The following MCAM variants were observed in gnomAD, a reference collection of about 807,000 sequenced individuals.
The protein encoded by MCAM is cell surface glycoprotein MUC18.
Under a neutral mutation model 79.1 loss-of-function variants are expected in MCAM, and 55 were observed. The ratio of observed to expected loss-of-function variants is 0.70; its 90% CI spans 0.56 to 0.87. MCAM has a LOEUF of 0.87. Among genes scored for constraint, MCAM ranks in the 40% least tolerant of loss-of-function variants. The pLI, the probability that MCAM is intolerant of heterozygous loss-of-function variation, is 0.00. For synonymous variants in MCAM, 330 were observed against 339.8 expected (o/e 0.97, Z 0.32); for missense variants, 745 against 839.8 (o/e 0.89, Z 1.40).
Position 119,310,468 on chromosome 11 carries a change from T to TG in MCAM, c.1794-3dup. On this transcript the variant is annotated splice_polypyrimidine_tract_variant and splice_region_variant and intron_variant, in intron 14 of 15. Coordinates refer to ENST00000264036, the MANE Select transcript of MCAM (RefSeq NM_006500.3). ...CTCTTACGAGACGGGGGTAGCGTGC[T>TG]GGGAGGAGGGAGGGAGGTGAGAGGT... is the stretch of plus-strand genomic sequence containing the variant. The TG allele has an allele frequency of 6.3e-7, 1 of 1,585,124 alleles. No homozygotes were observed. The highest frequency in any genetic ancestry group is 1.1e-5 in the South Asian group (1 of 90,426).
In MCAM at chr11:119,311,122, C is replaced by A; in HGVS notation, c.1613G>T (p.Ser538Ile). Residue 538 changes from serine (S) to isoleucine (I), a missense_variant, in exon 13 of 16, where the codon AGT (serine) becomes ATT (isoleucine). Ser to Ile is a moderately radical substitution (Grantham distance 142). Coordinates refer to ENST00000264036, the MANE Select transcript of MCAM (RefSeq NM_006500.3). The surrounding 1 kb of genome is among the most constrained non-coding windows in gnomAD (Gnocchi z 4.4). ...TTTGLSTSTA[S>I]PHTRANSTST... ...GGTGCTGTTGGCTCTGGTATGAGGA[C>A]TGGCAGTGGAAGTGCTGAGGCCAGT... 6.2e-7 allele frequency: 1 copy of A among 1,614,236 alleles called. No individual in the cohort carries two copies. The highest frequency in any genetic ancestry group is 8.5e-7 in the Non-Finnish European group (1 of 1,180,046).
At position 119,316,661 on chromosome 11, in the gene MCAM, G is replaced by T. The variant is rs1950314078; in HGVS notation, c.67+374C>A. On this transcript the variant is annotated intron_variant, in intron 1 of 15. Transcript: ENST00000264036. The surrounding 1 kb of genome is among the most constrained non-coding windows in gnomAD (Gnocchi z 4.8). ...CCTTTTCCAGCAACAGGCGGGCGCGGAATTCAGGCTTTGAGGATGCGCCCC... is the reference window on the plus strand; with the variant it reads ...CCTTTTCCAGCAACAGGCGGGCGCGTAATTCAGGCTTTGAGGATGCGCCCC... 5.0e-6 allele frequency: 1 copy of T among 198,752 alleles called. No homozygotes were observed. The highest frequency in any genetic ancestry group is 1.1e-4 in the East Asian group (1 of 8,758). 12.3% of individuals were successfully genotyped at this position (198,752 alleles called of 1,614,324 possible). A position where few individuals can be genotyped will look rare whatever the true frequency, so the allele number is the denominator to read the frequency against.
In MCAM at chr11:119,310,164, T is replaced by C. The variant is rs546672081; in HGVS notation, c.1911+185A>G. 918 of 631,530 alleles carry C rather than the reference T, an allele frequency of 1.5e-3. 1 individual carries two copies. The highest frequency in any genetic ancestry group is 4.7e-3 in the Middle Eastern group (11 of 2,334). The allele number at this position is 631,530 out of a possible 1,614,324, so 39.1% of individuals were successfully genotyped here. A position where few individuals can be genotyped will look rare whatever the true frequency, so the allele number is the denominator to read the frequency against. On this transcript the variant is annotated intron_variant, in intron 15 of 15. Transcript: ENST00000264036. ...GGTGATGGGACAGGGTCTTTCTCAG[T>C]CTTCCTCCAAGCTCCCTCAGCCACT...
intron 4 of MCAM, 43 bp downstream of exon 4, chr11:119,314,636 C>A (rs1019070743): frequency 6.2e-7 from 1 of 1,611,252 alleles, no homozygotes; most frequent in African/African-American, 1.3e-5. Context: ...CCCATCTCAG[C>A]GGCTGCGCAC....
intron 5 of MCAM, 106 bp downstream of exon 5, chr11:119,314,383 T>C: frequency 2.9e-6 from 3 of 1,018,566 alleles, no homozygotes; most frequent in Non-Finnish European, 4.6e-6. Flanking sequence ...CCTGAACTCC[T>C]CACCTCCAGA....
Position 119,312,016 on chromosome 11 carries a change from C to G in MCAM, c.1143+36G>C, listed in dbSNP as rs369718704. 6 of 1,605,370 alleles carry G rather than the reference C, an allele frequency of 3.7e-6. No homozygotes were observed. In the African/African-American group the frequency reaches 8.0e-5, roughly 21 times the overall value. On this transcript the variant is annotated intron_variant, in intron 9 of 15. Coordinates refer to ENST00000264036, the MANE Select transcript of MCAM (RefSeq NM_006500.3). The surrounding 1 kb of genome is among the most constrained non-coding windows in gnomAD (Gnocchi z 4.9). ...TTCTTGTCACCGCCAGCCCCACCCA[C>G]CCCATCAGCCCCTTGCCCCAGACCC...
intron 15 of MCAM, 67 bp downstream of exon 15, chr11:119,310,282 C>T (rs540799663): frequency 3.6e-5 from 37 of 1,034,150 alleles, no homozygotes; most frequent in African/African-American, 4.7e-5. Flanking sequence ...TAGAGAGAAC[C>T]GTTAGTCCCT....
At position 119,308,790 on chromosome 11, in the gene MCAM, A is replaced by G. The variant is rs1950179106; in HGVS notation, c.*1096T>C. 6.6e-6 allele frequency: 1 copy of G among 152,102 alleles called. No individual in the cohort carries two copies. Among genetic ancestry groups the G allele is most frequent in the African/African-American group, 2.4e-5 (1 of 41,408 alleles). 9.4% of individuals were successfully genotyped at this position (152,102 alleles called of 1,614,324 possible). A position where few individuals can be genotyped will look rare whatever the true frequency, so the allele number is the denominator to read the frequency against. On this transcript the variant is annotated 3_prime_UTR_variant, in exon 16 of 16. Coordinates refer to ENST00000264036, the MANE Select transcript of MCAM (RefSeq NM_006500.3). The stretch of plus-strand genomic sequence containing the variant: ...TGGTTTGTAGAAGTTTGGTGCTAAT[A>G]TAACCATAGCTTTAATCCCCATGAA...
intron 15 of MCAM, 126 bp from the exon 16 acceptor site, chr11:119,310,041 C>T: frequency 1.2e-6 from 1 of 819,264 alleles, no homozygotes; most frequent in Non-Finnish European, 2.0e-6. Context: ...GGGGAGGAAG[C>T]TAGGATGGGC....
At chr11:119,310,605 GTGGCTGA>G in intron 14 of MCAM, 139 bp from the exon 15 acceptor site, 1 of 1,080,326 alleles carries the variant, frequency 9.3e-7, no homozygotes, top group Non-Finnish European at 1.4e-6. Context: ...ATGAGACCAT[GTGGCTGA>G]TGGAAGCTGG....
At position 119,310,340 on chromosome 11, in the gene MCAM, G is replaced by A. The variant is rs545479764; in HGVS notation, c.1911+9C>T. 2.6e-5 allele frequency: 42 copies of A among 1,585,322 alleles called. No homozygotes were observed. In the South Asian group the frequency reaches 3.0e-4, roughly 11 times the overall value. On this transcript the variant is annotated intron_variant, in intron 15 of 15. Coordinates refer to ENST00000264036, the MANE Select transcript of MCAM (RefSeq NM_006500.3). The stretch of plus-strand genomic sequence containing the variant: ...GTGGCAGGCTCTGGCCACAGGAACC[G>A]CCTCCTACCTGGTCTCCCGGAGCCC...
intron 14 of MCAM, 96 bp downstream of exon 14, chr11:119,310,660 G>A: frequency 7.2e-7 from 1 of 1,384,348 alleles, no homozygotes; most frequent in Non-Finnish European, 1.0e-6. Flanking sequence ...CTGACCCAGG[G>A]CCCCACTCCT....
At position 119,309,805 on chromosome 11, in the gene MCAM, T is replaced by C. The variant is rs1246022218; in HGVS notation, c.*81A>G. The C allele has an allele frequency of 9.9e-6, 14 of 1,409,090 alleles. No homozygotes were observed. The highest frequency in any genetic ancestry group is 1.2e-5 in the Non-Finnish European group (12 of 1,014,364). 87.3% of individuals were successfully genotyped at this position (1,409,090 alleles called of 1,614,324 possible). ...GAGCAGGAGGCTTCTCTCTAGTCCC[T>C]TTGGAGGCTTTGGCTGAGAGAAGAG... On this transcript the variant is annotated 3_prime_UTR_variant, in exon 16 of 16. Coordinates refer to ENST00000264036, the MANE Select transcript of MCAM (RefSeq NM_006500.3).
Position 119,315,238 on chromosome 11 carries a change from A to T in MCAM, c.93T>A (p.Pro31=). ...CTTCCACCTCCACCAGCTCAGGCGCAGGCTGCTCAGCCTCTCCGGGCACAC... is the reference window on the plus strand; with the variant it reads ...CTTCCACCTCCACCAGCTCAGGCGCTGGCTGCTCAGCCTCTCCGGGCACAC... ...VAGVPGEAEQ[P]APELVEVEVG... is the part of the protein sequence containing the mutation. Residue 31 remains proline, a synonymous_variant, in exon 2 of 16, where the codon CCT becomes CCA. Transcript: ENST00000264036. This position sits in a 1 kb window ranked among gnomAD's most constrained non-coding sequence, Gnocchi z 4.4. 1 of 1,611,606 alleles carries T rather than the reference A, an allele frequency of 6.2e-7. No individual in the cohort carries two copies. The highest frequency in any genetic ancestry group is 1.3e-5 in the African/African-American group (1 of 75,012).
In MCAM at chr11:119,316,762, C is replaced by A. The variant is rs970521388; in HGVS notation, c.67+273G>T. 58 of 465,412 alleles carry A rather than the reference C, an allele frequency of 1.2e-4. No individual in the cohort carries two copies. In the Middle Eastern group the frequency reaches 1.7e-3, roughly 14 times the overall value. 28.8% of individuals were successfully genotyped at this position (465,412 alleles called of 1,614,324 possible). A position where few individuals can be genotyped will look rare whatever the true frequency, so the allele number is the denominator to read the frequency against. On this transcript the variant is annotated intron_variant, in intron 1 of 15. Coordinates refer to ENST00000264036, the MANE Select transcript of MCAM (RefSeq NM_006500.3). This position sits in a 1 kb window ranked among gnomAD's most constrained non-coding sequence, Gnocchi z 4.8. ...CAGGGACCACCCACCCCCCAGCACC[C>A]CGAAAGGCTGAGCTCCACCCCTTCT...
Position 119,315,705 on chromosome 11 carries a change from CA to C in MCAM, c.68-443del. 5.5e-6 allele frequency: 1 copy of C among 181,400 alleles called. No individual in the cohort carries two copies. Among genetic ancestry groups the C allele is most frequent in the Non-Finnish European group, 1.2e-5 (1 of 84,274 alleles). 11.2% of individuals were successfully genotyped at this position (181,400 alleles called of 1,614,324 possible). The stretch of plus-strand genomic sequence containing the variant: ...CACCACTGCTCTATCCTCTGCCCTC[CA>C]AAATCCCTGCCCTCACTCCCCAGCG... On this transcript the variant is annotated intron_variant, in intron 1 of 15. Transcript: ENST00000264036. The surrounding 1 kb of genome is among the most constrained non-coding windows in gnomAD (Gnocchi z 4.4).
intron 3 of MCAM, 34 bp from the exon 4 acceptor site, chr11:119,314,783 C>T: frequency 6.2e-7 from 1 of 1,612,780 alleles, no homozygotes; most frequent in East Asian, 2.2e-5. Flanking sequence ...GGACATCTGG[C>T]CACGTCCCAC....
Position 119,314,666 on chromosome 11 carries a change from C to A in MCAM, c.471+13G>T. On this transcript the variant is annotated intron_variant, in intron 4 of 15. Coordinates refer to ENST00000264036, the MANE Select transcript of MCAM (RefSeq NM_006500.3). ...GCGCACCAGCTGCCCAGCCCACCTG[C>A]CACACATCTCACCTCCTCAGGCTCC... The A allele has an allele frequency of 6.2e-7, 1 of 1,613,842 alleles. No homozygotes were observed. Among genetic ancestry groups the A allele is most frequent in the Non-Finnish European group, 8.5e-7 (1 of 1,179,902 alleles).
chr11:119,311,847 C>T lies in MCAM; in HGVS notation c.1246G>A (p.Gly416Ser), dbSNP rs199820957. Reference sequence around the variant, plus strand: ...TTGACCAGCTGTGTGCGGTTCAGGCCGGGTATGCTGGGCACAGACGCCACG... The same window carrying T: ...TTGACCAGCTGTGTGCGGTTCAGGCTGGGTATGCTGGGCACAGACGCCACG... ...RCVASVPSIP[G>S]LNRTQLVNVA... Residue 416 changes from glycine (G) to serine (S), a missense_variant, in exon 10 of 16, where the codon GGC (glycine) becomes AGC (serine). Gly to Ser is a moderately conservative substitution (Grantham distance 56, BLOSUM62 0). Coordinates refer to ENST00000264036, the MANE Select transcript of MCAM (RefSeq NM_006500.3). This position sits in a 1 kb window ranked among gnomAD's most constrained non-coding sequence, Gnocchi z 4.4. The T allele has an allele frequency of 6.2e-5, 100 of 1,614,094 alleles. No homozygotes were observed. In the Admixed American group the frequency reaches 8.2e-4, roughly 13 times the overall value.
Sources: allele counts gnomAD v4.1 joint callset, GRCh38; gene constraint gnomAD v4.1.1; non-coding constraint Gnocchi (gnomAD v3.1); transcripts MANE v1.5; gene names NCBI Gene and HGNC (gene_info 2026-07-23, HGNC 2026-07-21).